The following ELMO1 variants were observed in gnomAD, a reference collection of about 807,000 sequenced individuals.
ELMO1 encodes the protein engulfment and cell motility protein 1.
Under a neutral mutation model 98.9 loss-of-function variants are expected in ELMO1, and 26 were observed. That is an observed-to-expected ratio of 0.26 (90% confidence interval 0.19 to 0.36). The LOEUF is 0.36. Among genes scored for constraint, ELMO1 ranks in the 10% least tolerant of loss-of-function variants. The pLI, the probability that ELMO1 is intolerant of heterozygous loss-of-function variation, is 1.00. For synonymous variants in ELMO1, 346 were observed against 346.0 expected (o/e 1.00, Z 0.00); for missense variants, 627 against 935.2 (o/e 0.67, Z 4.30).
intron 21 of ELMO1, among the ~76,000 whole-genome samples, chr7:36,860,305 C>A (rs1802523785): frequency 6.6e-6 from 1 of 152,094 alleles, no homozygotes; most frequent in Non-Finnish European, 1.5e-5. Context: ...GTTAACCTTT[C>A]TATTGTTGAG....
At chr7:37,263,586 T>C (rs1584890271) in intron 5 of ELMO1, among the ~76,000 whole-genome samples, 1 of 151,790 alleles carries the variant, frequency 6.6e-6, no homozygotes, top group African/African-American at 2.4e-5. Flanking sequence ...TTAGATGGAG[T>C]GGTTTTCAGG....
rs920377590 is a variant in ELMO1 at position 36,976,766 on chromosome 7, A to T, written c.1437+36533T>A. Among the ~76,000 whole-genome samples, 3 of 152,218 alleles carry T rather than the reference A, an allele frequency of 2.0e-5. No homozygotes were observed. In the South Asian group the frequency reaches 6.2e-4, roughly 32 times the overall value. Reference sequence around the variant, plus strand: ...GTGCAGTTGCAAGATGATCAGTTTTAATGTACGTGTGGAAGCTGAGAATCT... The same window carrying T: ...GTGCAGTTGCAAGATGATCAGTTTTTATGTACGTGTGGAAGCTGAGAATCT... On this transcript the variant is annotated intron_variant, in intron 16 of 21. Coordinates refer to ENST00000310758, the MANE Select transcript of ELMO1 (RefSeq NM_014800.11).
At chr7:37,005,125 A>AAAAG (rs1792972674) in intron 16 of ELMO1, among the ~76,000 whole-genome samples, 1 of 149,510 alleles carries the variant, frequency 6.7e-6, no homozygotes, top group East Asian at 2.0e-4. Context: ...AAAAAAAAAA[A>AAAAG]AAAAAAAGAA....
chr7:37,025,935 AT>A (rs1274438761), intron 15 of ELMO1, among the ~76,000 whole-genome samples: 68 of 146,574 alleles, frequency 4.6e-4, no homozygotes, highest in African/African-American at 1.7e-3. Flanking sequence ...CTATCTATCT[AT>A]TTTTTTCTAT....
intron 1 of ELMO1, among the ~76,000 whole-genome samples, chr7:37,375,276 A>G (rs765468649): frequency 2.0e-5 from 3 of 152,204 alleles, no homozygotes; most frequent in African/African-American, 7.2e-5. Flanking sequence ...GTAATCTAGT[A>G]AACAAATATT....
chr7:36,862,466 A>T (rs914294543), intron 20 of ELMO1, among the ~76,000 whole-genome samples: 1 of 152,224 alleles, frequency 6.6e-6, no homozygotes, highest in Non-Finnish European at 1.5e-5. Context: ...GACATTTTTC[A>T]TTTCATTGCA....
intron 1 of ELMO1, among the ~76,000 whole-genome samples, chr7:37,440,147 A>G (rs1171309519): frequency 2.0e-5 from 3 of 152,194 alleles, no homozygotes; most frequent in Non-Finnish European, 2.9e-5. Flanking sequence ...CAAGTCCACT[A>G]TAAAAAAATC....
chr7:37,278,997 C>T (rs182160202), intron 4 of ELMO1, among the ~76,000 whole-genome samples: 38 of 152,030 alleles, frequency 2.5e-4, no homozygotes, highest in Admixed American at 2.5e-3. Context: ...GTCAGGAGTT[C>T]GAGAGCAGCC....
At chr7:37,036,314 T>C (rs947943119) in intron 15 of ELMO1, among the ~76,000 whole-genome samples, 6 of 152,206 alleles carry the variant, frequency 3.9e-5, no homozygotes, top group East Asian at 3.9e-4. Flanking sequence ...CTCATGTGTA[T>C]ACAAAGTACC....
intron 16 of ELMO1, among the ~76,000 whole-genome samples, chr7:36,998,144 G>A (rs1038872604): frequency 5.3e-5 from 8 of 152,248 alleles, no homozygotes; most frequent in Non-Finnish European, 1.0e-4. Flanking sequence ...GGGAGGATGC[G>A]AATAGCATGA....
At chr7:37,394,706 A>G (rs185940005) in intron 1 of ELMO1, among the ~76,000 whole-genome samples, 7 of 152,242 alleles carry the variant, frequency 4.6e-5, no homozygotes, top group East Asian at 3.9e-4. Context: ...TTTTGCATCA[A>G]TGTGAGAAGT....
intron 15 of ELMO1, among the ~76,000 whole-genome samples, chr7:37,053,855 A>G (rs1347081078): frequency 2.6e-5 from 4 of 152,318 alleles, no homozygotes; most frequent in South Asian, 4.1e-4. Flanking sequence ...TTTATTTGAT[A>G]TAAGTCTACA....
chr7:37,342,861 T>G lies in ELMO1; in HGVS notation c.-73-98A>C, dbSNP rs60600003. ...TCCTGTTTTCACTGGTGGTTTGGTA[T>G]GAAAAACGGCTCCCCTTGGTGCCTG... On this transcript the variant is annotated intron_variant, in intron 1 of 21. Coordinates refer to ENST00000310758, the MANE Select transcript of ELMO1 (RefSeq NM_014800.11). This position sits in a 1 kb window ranked among gnomAD's most constrained non-coding sequence, Gnocchi z 4.3. 0.083 allele frequency: 49,925 copies of G among 601,582 alleles called. 2,503 individuals carry two copies. The highest frequency in any genetic ancestry group is 0.099 in the Non-Finnish European group (35,211 of 355,162). 37.3% of individuals were successfully genotyped at this position (601,582 alleles called of 1,614,324 possible).
intron 16 of ELMO1, among the ~76,000 whole-genome samples, chr7:36,946,196 T>C (rs1187156320): frequency 6.6e-6 from 1 of 152,250 alleles, no homozygotes; most frequent in East Asian, 1.9e-4. Flanking sequence ...TTATAGAAAC[T>C]TGTTTGTGCA....
At chr7:37,119,191 G>A (rs1785821984) in intron 14 of ELMO1, among the ~76,000 whole-genome samples, 1 of 152,162 alleles carries the variant, frequency 6.6e-6, no homozygotes, top group Non-Finnish European at 1.5e-5. Flanking sequence ...CTCCCTGACT[G>A]GAAAGGCTGA....
intron 14 of ELMO1, among the ~76,000 whole-genome samples, chr7:37,125,914 T>C (rs556244687): frequency 1.3e-5 from 2 of 152,286 alleles, no homozygotes; most frequent in South Asian, 4.1e-4. Flanking sequence ...CCAACAATGA[T>C]AGATTGGATT....
intron 15 of ELMO1, among the ~76,000 whole-genome samples, chr7:37,040,309 CA>C (rs1176748159): frequency 1.3e-5 from 2 of 152,104 alleles, no homozygotes; most frequent in African/African-American, 2.4e-5. Flanking sequence ...TGATTACCCC[CA>C]GGGGTAATGA....
chr7:37,354,521 C>T (rs943533307), intron 1 of ELMO1, among the ~76,000 whole-genome samples: 13 of 152,246 alleles, frequency 8.5e-5, no homozygotes, highest in African/African-American at 3.1e-4. Context: ...GCCACTCACT[C>T]TCTTCCCTTC....
chr7:36,999,957 CT>C (rs1051789965), intron 16 of ELMO1, among the ~76,000 whole-genome samples: 2 of 152,162 alleles, frequency 1.3e-5, no homozygotes, highest in African/African-American at 4.8e-5. Flanking sequence ...CATTGATTAT[CT>C]TTTACTCACA....
Sources: gnomAD v4.1 joint callset for allele counts (sites outside exome capture counted in the v4.1 genomes callset) on GRCh38, gnomAD v4.1.1 for gene constraint, Gnocchi (gnomAD v3.1) non-coding constraint, MANE v1.5 for transcripts, NCBI Gene and HGNC (gene_info 2026-07-23, HGNC 2026-07-21) for gene names.